Variants in CCDC171 observed in about 807,000 individuals in gnomAD.
CCDC171 encodes the protein coiled-coil domain-containing protein 171.
In CCDC171, 177 loss-of-function variants were observed where a neutral mutation model predicts 168.2. The observed-to-expected ratio is 1.05, with a 90% CI of 0.93 to 1.19. The LOEUF is 1.19. Ranked by LOEUF, CCDC171 falls within the 50% of genes most tolerant of loss-of-function variation. The probability of loss-of-function intolerance (pLI) is 0.00; values close to 1 mark genes in which losing one functional copy is unlikely to be tolerated. For synonymous variants in CCDC171, 687 were observed against 540.8 expected (o/e 1.27, Z -3.75); for missense variants, 1,991 against 1,539.0 (o/e 1.29, Z -4.91).
Position 15,703,126 on chromosome 9 carries a change from G to A in CCDC171, c.1318+7789G>A, listed in dbSNP as rs113280743. ...TCACCATGTTAGCCAGGCTGGTCTC[G>A]AACTCCTGACCTTAAGCGGTCTGCC... On this transcript the variant is annotated intron_variant, in intron 11 of 25. Transcript: ENST00000380701. 3.7e-3 allele frequency among the ~76,000 whole-genome samples: 560 copies of A among 152,078 alleles called. 4 individuals carry two copies. The highest frequency in any genetic ancestry group is 0.013 in the African/African-American group (528 of 41,514).
chr9:16,101,954 C>T, the CCDC171 span, among the ~76,000 whole-genome samples: 16 of 152,320 alleles, frequency 1.1e-4, no homozygotes, highest in African/African-American at 3.1e-4. Flanking sequence ...ATGCCAGACT[C>T]CTGAACCAGG....
chr9:15,596,479 G>C (rs1205887888), intron 6 of CCDC171, among the ~76,000 whole-genome samples: 1 of 151,924 alleles, frequency 6.6e-6, no homozygotes, highest in African/African-American at 2.4e-5. Flanking sequence ...ATTTCTGAGG[G>C]CTCTGTTCTG....
chr9:15,667,074 C>T (rs1233006220), intron 9 of CCDC171, among the ~76,000 whole-genome samples: 2 of 152,038 alleles, frequency 1.3e-5, no homozygotes. Context: ...CTTTCTGACT[C>T]CTACTGATTT....
At chr9:16,080,297 T>G in the CCDC171 span, among the ~76,000 whole-genome samples, 2 of 152,226 alleles carry the variant, frequency 1.3e-5, no homozygotes, top group African/African-American at 4.8e-5. Context: ...AATCATTTTA[T>G]TGGTTTTTTT....
intron 7 of CCDC171, among the ~76,000 whole-genome samples, chr9:15,645,307 T>G (rs1294346969): frequency 2.0e-5 from 3 of 151,380 alleles, no homozygotes; most frequent in Admixed American, 1.3e-4. Flanking sequence ...GCAGAAAAGC[T>G]GAAAATTCTA....
intron 21 of CCDC171, among the ~76,000 whole-genome samples, chr9:15,832,819 ATTCTT>A (rs1255848309): frequency 6.6e-6 from 1 of 152,158 alleles, no homozygotes; most frequent in African/African-American, 2.4e-5. Flanking sequence ...TTTTCTTTAT[ATTCTT>A]ATTCAGTAAG....
chr9:15,605,526 A>C (rs926678841), intron 6 of CCDC171, among the ~76,000 whole-genome samples: 12 of 150,112 alleles, frequency 8.0e-5, no homozygotes, highest in Non-Finnish European at 1.8e-4. Flanking sequence ...AAAAAAAAAA[A>C]AAAAAAAAAA....
chr9:15,905,980 C>G (rs1172758987), intron 24 of CCDC171, among the ~76,000 whole-genome samples: 1 of 152,072 alleles, frequency 6.6e-6, no homozygotes, highest in Non-Finnish European at 1.5e-5. Flanking sequence ...CAGGAAGAAG[C>G]TGAATCTCTG....
intron 7 of CCDC171, among the ~76,000 whole-genome samples, chr9:15,632,998 T>C (rs998982777): frequency 2.6e-5 from 4 of 152,224 alleles, no homozygotes; most frequent in African/African-American, 9.6e-5. Context: ...GGTCCCTTCC[T>C]TACCCATTAC....
the CCDC171 span, among the ~76,000 whole-genome samples, chr9:16,108,762 A>T: frequency 6.6e-6 from 1 of 152,286 alleles, no homozygotes; most frequent in African/African-American, 2.4e-5. Context: ...TTGGGAAAAA[A>T]ATTACAATTA....
chr9:16,022,326 A>G (rs1323825656), intron 4 of CCDC171: 1 of 152,232 alleles, frequency 6.6e-6, no homozygotes, highest in South Asian at 2.1e-4. Flanking sequence ...TTCCTTCACA[A>G]AACAGGATGG....
intron 18 of CCDC171, among the ~76,000 whole-genome samples, chr9:15,768,394 T>A (rs2056846693): frequency 6.6e-6 from 1 of 152,176 alleles, no homozygotes; most frequent in South Asian, 2.1e-4. Context: ...GGGTTATTTT[T>A]TTATCCCAGC....
chr9:15,632,002 G>C (rs1010023856), intron 7 of CCDC171, among the ~76,000 whole-genome samples: 3 of 152,076 alleles, frequency 2.0e-5, no homozygotes, highest in South Asian at 2.1e-4. Context: ...AATAAATTAG[G>C]TATTGATGGG....
chr9:15,732,872 A>C (rs2054239027), intron 16 of CCDC171, among the ~76,000 whole-genome samples: 1 of 152,172 alleles, frequency 6.6e-6, no homozygotes, highest in East Asian at 1.9e-4. Flanking sequence ...GTGTAACTTA[A>C]GCAACTATTA....
chr9:16,078,741 C>A, the CCDC171 span, among the ~76,000 whole-genome samples: 1 of 152,040 alleles, frequency 6.6e-6, no homozygotes, highest in African/African-American at 2.4e-5. Flanking sequence ...CGTTCCCTCA[C>A]ATGGAATGAG....
rs554887666 is a variant in CCDC171, at chr9:15,652,087, TG to T, written c.823-5039del. Among the ~76,000 whole-genome samples the T allele has an allele frequency of 4.4e-3, 666 of 152,260 alleles. 7 individuals are homozygous for T. Among genetic ancestry groups the T allele is most frequent in the African/African-American group, 0.015 (632 of 41,546 alleles). ...CCACACCCGGCTAATTTAATTTTTT[TG>T]TAGAGACCAGGTTTGACTATGTTGC... On this transcript the variant is annotated intron_variant, in intron 7 of 25. Transcript: ENST00000380701.
At chr9:16,082,640 C>T in the CCDC171 span, among the ~76,000 whole-genome samples, 1 of 152,122 alleles carries the variant, frequency 6.6e-6, no homozygotes, top group Admixed American at 6.5e-5. Flanking sequence ...ATTTATATAT[C>T]TGTGGAGAGT....
chr9:15,859,290 A>C (rs902027516), intron 23 of CCDC171, among the ~76,000 whole-genome samples: 3 of 151,844 alleles, frequency 2.0e-5, no homozygotes, highest in African/African-American at 7.3e-5. Flanking sequence ...TCAGTTGCTA[A>C]TATTTTGTTG....
At chr9:15,632,997 C>G (rs903338530) in intron 7 of CCDC171, among the ~76,000 whole-genome samples, 8 of 152,218 alleles carry the variant, frequency 5.3e-5, no homozygotes, top group African/African-American at 1.9e-4. Context: ...GGGTCCCTTC[C>G]TTACCCATTA....
Sources: allele counts gnomAD v4.1 joint callset (sites outside exome capture counted in the v4.1 genomes callset), GRCh38; gene constraint gnomAD v4.1.1; transcripts MANE v1.5; gene names NCBI Gene and HGNC (gene_info 2026-07-23, HGNC 2026-07-21).